Variants in LUZP2 observed in about 807,000 individuals in gnomAD.
LUZP2 encodes leucine zipper protein 2.
LUZP2 carries 52 observed loss-of-function variants against 51.6 expected under a neutral mutation model. The observed-to-expected ratio is 1.01, with a 90% confidence interval of 0.81 to 1.27. LUZP2 has a LOEUF of 1.27. Among genes scored for constraint, LUZP2 ranks in the 50% most tolerant of loss-of-function variants. LUZP2 has a pLI of 0.00. For missense variants in LUZP2, 436 were observed against 395.4 expected (o/e 1.10, Z -0.87); for synonymous variants, 154 against 137.3 (o/e 1.12, Z -0.85).
chr11:24,745,850 G>A (rs1158920882), intron 4 of LUZP2, among the ~76,000 whole-genome samples: 1 of 151,990 alleles, frequency 6.6e-6, no homozygotes, highest in Non-Finnish European at 1.5e-5. Flanking sequence ...GCTAATTTTT[G>A]TATTTTTAGT....
At chr11:24,710,102 A>G (rs1377092354) in intron 1 of LUZP2, among the ~76,000 whole-genome samples, 1 of 152,128 alleles carries the variant, frequency 6.6e-6, no homozygotes, top group East Asian at 1.9e-4. Flanking sequence ...ACATTTTAAT[A>G]AGTGCTTGTC....
intron 9 of LUZP2, among the ~76,000 whole-genome samples, chr11:25,024,795 C>T (rs1857436932): frequency 1.3e-5 from 2 of 149,392 alleles, no homozygotes; most frequent in Admixed American, 6.7e-5. Context: ...GAAAAAACTA[C>T]TTTAAAGTTC....
chr11:25,001,058 G>A (rs1197723273), intron 9 of LUZP2, among the ~76,000 whole-genome samples: 1 of 152,090 alleles, frequency 6.6e-6, no homozygotes, highest in Non-Finnish European at 1.5e-5. Flanking sequence ...GCACTGGTAG[G>A]TTCTGATTTC....
intron 1 of LUZP2, among the ~76,000 whole-genome samples, chr11:24,629,618 C>T (rs1854808410): frequency 6.8e-6 from 1 of 147,756 alleles, no homozygotes; most frequent in Non-Finnish European, 1.5e-5. Flanking sequence ...AGATTGATTC[C>T]ATATCTTTGC....
chr11:24,943,786 G>T (rs1177888211), intron 7 of LUZP2, among the ~76,000 whole-genome samples: 1 of 150,822 alleles, frequency 6.6e-6, no homozygotes, highest in Non-Finnish European at 1.5e-5. Context: ...GCTGAGGCAT[G>T]AGAACCACTT....
chr11:24,959,477 T>C (rs1285893119), intron 7 of LUZP2, among the ~76,000 whole-genome samples: 1 of 152,168 alleles, frequency 6.6e-6, no homozygotes, highest in African/African-American at 2.4e-5. Flanking sequence ...TCACGTCCCT[T>C]GTAAGTTGGA....
chr11:24,720,761 C>T (rs1858236629), intron 1 of LUZP2, among the ~76,000 whole-genome samples: 1 of 152,108 alleles, frequency 6.6e-6, no homozygotes, highest in South Asian at 2.1e-4. Flanking sequence ...TGCAGTGGCG[C>T]GATCTCGGCT....
chr11:24,573,206 A>G (rs1852497846), intron 1 of LUZP2, among the ~76,000 whole-genome samples: 1 of 152,038 alleles, frequency 6.6e-6, no homozygotes. Flanking sequence ...TCAACACCTC[A>G]TATTTTGTAA....
chr11:24,905,697 T>C (rs765630474), intron 5 of LUZP2, among the ~76,000 whole-genome samples: 2 of 152,108 alleles, frequency 1.3e-5, no homozygotes, highest in Non-Finnish European at 2.9e-5. Flanking sequence ...AAAATTAAAT[T>C]AACTTTTTTT....
At chr11:24,948,315 CA>C (rs1253364323) in intron 7 of LUZP2, among the ~76,000 whole-genome samples, 1 of 151,620 alleles carries the variant, frequency 6.6e-6, no homozygotes, top group Non-Finnish European at 1.5e-5. Context: ...TTTGCTAAGA[CA>C]TTGTCATCAT....
intron 1 of LUZP2, among the ~76,000 whole-genome samples, chr11:24,696,906 C>T (rs1857266905): frequency 6.6e-6 from 1 of 152,050 alleles, no homozygotes; most frequent in East Asian, 1.9e-4. Context: ...ACTAGCTATG[C>T]ATGGATGAAG....
intron 1 of LUZP2, among the ~76,000 whole-genome samples, chr11:24,568,226 G>A (rs901044958): frequency 5.3e-5 from 8 of 151,988 alleles, no homozygotes; most frequent in South Asian, 2.1e-4. Flanking sequence ...TGAGTGTGAC[G>A]GTGCATGCCT....
At chr11:24,780,682 G>A (rs976523504) in intron 5 of LUZP2, among the ~76,000 whole-genome samples, 1 of 152,040 alleles carries the variant, frequency 6.6e-6, no homozygotes, top group African/African-American at 2.4e-5. Flanking sequence ...ATTACCAAGA[G>A]TTTTACATGC....
intron 1 of LUZP2, among the ~76,000 whole-genome samples, chr11:24,628,212 TACACACACACACAC>T (rs34309953): frequency 6.7e-6 from 1 of 150,052 alleles, no homozygotes; most frequent in African/African-American, 2.4e-5. Context: ...CACCCATGCA[TACACACACACACAC>T]ACACACACCT....
chr11:24,516,298 T>C (rs1286008941), intron 1 of LUZP2, among the ~76,000 whole-genome samples: 5 of 152,210 alleles, frequency 3.3e-5, no homozygotes, highest in Non-Finnish European at 1.5e-5. Flanking sequence ...CTTATATGAA[T>C]ATGAAATTCT....
intron 1 of LUZP2, among the ~76,000 whole-genome samples, chr11:24,686,223 CAA>C (rs56907734): frequency 0.19 from 27,459 of 148,326 alleles, 2,577 homozygotes; most frequent in East Asian, 0.33. Context: ...GTGAACTCTG[CAA>C]AAAAAAAAAA....
At chr11:24,674,900 T>C (rs1856498081) in intron 1 of LUZP2, among the ~76,000 whole-genome samples, 1 of 152,206 alleles carries the variant, frequency 6.6e-6, no homozygotes, top group East Asian at 1.9e-4. Flanking sequence ...GTCTTCCCTT[T>C]TTCCCAATGT....
intron 1 of LUZP2, among the ~76,000 whole-genome samples, chr11:24,514,501 A>G (rs1564962562): frequency 6.6e-6 from 1 of 152,196 alleles, no homozygotes; most frequent in African/African-American, 2.4e-5. Flanking sequence ...GGGAAAACAC[A>G]TAATAAGATC....
chr11:24,760,151 G>C (rs1859929556), intron 4 of LUZP2, among the ~76,000 whole-genome samples: 1 of 152,164 alleles, frequency 6.6e-6, no homozygotes, highest in Non-Finnish European at 1.5e-5. Context: ...GGTTATCTAA[G>C]AGTTAGAATC....
Sources: allele counts gnomAD v4.1 joint callset (sites outside exome capture counted in the v4.1 genomes callset), GRCh38; gene constraint gnomAD v4.1.1; transcripts MANE v1.5; gene names NCBI Gene and HGNC (gene_info 2026-07-23, HGNC 2026-07-21).